DPP10: variants seen among roughly 807,000 people sequenced by gnomAD.
DPP10 encodes dipeptidyl peptidase like 10.
In DPP10, 33 loss-of-function variants were observed where a neutral mutation model predicts 120.9. The ratio of observed to expected loss-of-function variants is 0.27; its 90% CI spans 0.21 to 0.37. DPP10 has a LOEUF of 0.37. Ranked by LOEUF, DPP10 falls within the 10% of genes least tolerant of loss-of-function variation. DPP10 has a pLI of 1.00. For missense variants in DPP10, 816 were observed against 942.8 expected, an observed-to-expected ratio of 0.87 and a Z score of 1.76; for synonymous variants, 337 against 326.1, an observed-to-expected ratio of 1.03 and a Z score of -0.36.
chr2:115,365,550 G>A (rs1171187806), intron 3 of DPP10, among the ~76,000 whole-genome samples: 2 of 151,842 alleles, frequency 1.3e-5, no homozygotes, highest in East Asian at 1.9e-4. Context: ...TTCTAAGACT[G>A]GGATTCTTTA....
At chr2:115,275,614 A>C (rs1158378296) in intron 1 of DPP10, among the ~76,000 whole-genome samples, 2 of 152,000 alleles carry the variant, frequency 1.3e-5, no homozygotes, top group African/African-American at 2.4e-5. Flanking sequence ...ATTATATAAA[A>C]ATTATATAGA....
chr2:114,620,295 A>T (rs1212850611), intron 1 of DPP10, among the ~76,000 whole-genome samples: 10 of 151,994 alleles, frequency 6.6e-5, no homozygotes, highest in Admixed American at 5.9e-4. Context: ...TTTCAGGAAA[A>T]AGCAGTGAGT....
At chr2:115,325,865 T>A (rs947104202) in intron 2 of DPP10, among the ~76,000 whole-genome samples, 1 of 152,168 alleles carries the variant, frequency 6.6e-6, no homozygotes, top group African/African-American at 2.4e-5. Context: ...TTGAGATATA[T>A]GCAGAAATTC....
At chr2:115,783,337 AGGTT>A (rs559212017) in intron 17 of DPP10, among the ~76,000 whole-genome samples, 148 of 152,282 alleles carry the variant, frequency 9.7e-4, no homozygotes, top group African/African-American at 3.5e-3. Context: ...ACTCGAGAAT[AGGTT>A]TATAATTCAC....
intron 1 of DPP10, among the ~76,000 whole-genome samples, chr2:115,116,899 A>G (rs953213446): frequency 8.5e-5 from 13 of 152,188 alleles, no homozygotes; most frequent in African/African-American, 3.1e-4. Flanking sequence ...TTCATCTTCC[A>G]TAAATTTTTA....
intron 1 of DPP10, among the ~76,000 whole-genome samples, chr2:115,165,282 T>C (rs1000565065): frequency 3.3e-5 from 5 of 152,180 alleles, no homozygotes; most frequent in African/African-American, 1.2e-4. Flanking sequence ...GAGATGAGAA[T>C]ACAGAGGATT....
chr2:114,463,541 A>G (rs1173605238), intron 1 of DPP10: 1 of 152,194 alleles, frequency 6.6e-6, no homozygotes, highest in African/African-American at 2.4e-5. Context: ...ACTTAGGTCA[A>G]CAGTCTTTAA....
chr2:114,914,091 T>C (rs1222677892), intron 1 of DPP10, among the ~76,000 whole-genome samples: 1 of 152,218 alleles, frequency 6.6e-6, no homozygotes, highest in Non-Finnish European at 1.5e-5. Flanking sequence ...AGACCAAATC[T>C]ATGATTCATT....
chr2:114,505,874 G>T (rs1050155968), intron 1 of DPP10, among the ~76,000 whole-genome samples: 2 of 152,186 alleles, frequency 1.3e-5, no homozygotes, highest in African/African-American at 2.4e-5. Context: ...ATTGTGACGA[G>T]TTCATGCATG....
chr2:114,955,701 A>C (rs1001726793), intron 1 of DPP10, among the ~76,000 whole-genome samples: 4 of 152,190 alleles, frequency 2.6e-5, no homozygotes, highest in African/African-American at 9.7e-5. Flanking sequence ...CCTCAGCAAA[A>C]TATAGCAAAC....
intron 3 of DPP10, among the ~76,000 whole-genome samples, chr2:115,364,249 C>T (rs1017696247): frequency 3.3e-5 from 5 of 151,874 alleles, no homozygotes; most frequent in African/African-American, 1.2e-4. Context: ...TTCACTTTGG[C>T]AGGGTAGATG....
chr2:114,981,389 G>A (rs67456675), intron 1 of DPP10, among the ~76,000 whole-genome samples: 38,852 of 151,870 alleles, frequency 0.26, 5,037 homozygotes, highest in East Asian at 0.35. Context: ...CGAAAAAAAA[G>A]CAAGTTGAAA....
chr2:114,659,627 T>C (rs575995212), intron 1 of DPP10, among the ~76,000 whole-genome samples: 2 of 152,286 alleles, frequency 1.3e-5, no homozygotes, highest in East Asian at 3.9e-4. Context: ...TTAAAAATAG[T>C]TTATCTGGGA....
At chr2:115,193,064 T>A (rs190663361) in intron 1 of DPP10, among the ~76,000 whole-genome samples, 124 of 152,270 alleles carry the variant, frequency 8.1e-4, no homozygotes, top group African/African-American at 2.9e-3. Context: ...TTTACTTTCC[T>A]TACACACCTT....
At chr2:114,612,042 C>T (rs1693321166) in intron 1 of DPP10, among the ~76,000 whole-genome samples, 1 of 152,174 alleles carries the variant, frequency 6.6e-6, no homozygotes, top group Non-Finnish European at 1.5e-5. Flanking sequence ...GAAGTTGCAA[C>T]TACACATATA....
intron 24 of DPP10, among the ~76,000 whole-genome samples, chr2:115,840,325 T>TG (rs576579863): frequency 0.015 from 1,801 of 116,726 alleles, 137 homozygotes; most frequent in African/African-American, 0.053. Context: ...TTTGGTTTTT[T>TG]TTTTTTTTTT....
intron 3 of DPP10, among the ~76,000 whole-genome samples, chr2:115,386,065 T>C (rs1258373189): frequency 1.3e-5 from 2 of 152,200 alleles, no homozygotes; most frequent in East Asian, 1.9e-4. Context: ...ATAATTGGTG[T>C]TTAGGCAATT....
At chr2:114,928,618 G>A (rs1042753827) in intron 1 of DPP10, among the ~76,000 whole-genome samples, 2 of 152,040 alleles carry the variant, frequency 1.3e-5, no homozygotes, top group African/African-American at 4.8e-5. Context: ...GGTGCCAGTA[G>A]CTCTACTATT....
intron 1 of DPP10, among the ~76,000 whole-genome samples, chr2:114,946,985 T>C (rs1697409950): frequency 2.0e-5 from 3 of 152,146 alleles, no homozygotes; most frequent in Admixed American, 1.3e-4. Context: ...AATATTTACA[T>C]GTTCCATTTC....
Sources: gnomAD v4.1 joint callset for allele counts (sites outside exome capture counted in the v4.1 genomes callset) on GRCh38, gnomAD v4.1.1 for gene constraint, MANE v1.5 for transcripts, NCBI Gene and HGNC (gene_info 2026-07-23, HGNC 2026-07-21) for gene names.